Variants in WDR49 observed in about 807,000 individuals in gnomAD.
WDR49 encodes WD repeat domain 49, also known as cilia- and flagella-associated protein 337.
A neutral mutation model predicts 119.5 loss-of-function variants in WDR49; 107 were observed. That is an observed-to-expected ratio of 0.90 (90% CI 0.77 to 1.05). The LOEUF is 1.05. Ranked by LOEUF, WDR49 falls within the 50% of genes least tolerant of loss-of-function variation. The pLI is 0.00. For missense variants in WDR49, 1,240 were observed against 1,220.5 expected (o/e 1.02, Z -0.24); for synonymous variants, 425 against 418.8 (o/e 1.01, Z -0.18).
Position 167,536,912 on chromosome 3 carries a change from T to A in WDR49, c.1912A>T (p.Ile638Phe), listed in dbSNP as rs185656959. 8.8e-5 allele frequency: 136 copies of A among 1,545,888 alleles called. No homozygotes were observed. The East Asian group carries it at 2.9e-3, about 32-fold the overall frequency. ...WKGGIQHHDD[I>F]LCAAFLPPQT... ...GGAGGTAAAAACGCAGCACACAAGA[T>A]GTCATCATGGTGCTGTATACCTCCT... Residue 638 changes from isoleucine to phenylalanine, a missense_variant, in exon 11 of 19, where the codon ATC becomes TTC. Transcript: ENST00000682715.
intron 10 of WDR49, among the ~76,000 whole-genome samples, chr3:167,545,041 T>C (rs956686522): frequency 1.3e-4 from 19 of 151,746 alleles, no homozygotes; most frequent in Admixed American, 1.3e-4. Context: ...TCAAAGGACA[T>C]AAATAGAAAA....
At chr3:167,546,484 C>T (rs1191348787) in intron 10 of WDR49, among the ~76,000 whole-genome samples, 1 of 151,592 alleles carries the variant, frequency 6.6e-6, no homozygotes, top group Non-Finnish European at 1.5e-5. Context: ...ATTTTAAGGC[C>T]ATTTTAGGAG....
chr3:167,536,604 T>C (rs1753035770), intron 11 of WDR49, among the ~76,000 whole-genome samples: 1 of 151,048 alleles, frequency 6.6e-6, no homozygotes, highest in Non-Finnish European at 1.5e-5. Context: ...CACTTGAACC[T>C]GGCAGGTGGA....
At chr3:167,655,580 TATTCTTTCAAAAAAAAC>T (rs915123882), upstream of WDR49, among the ~76,000 whole-genome samples, 5 of 152,082 alleles carry the variant, frequency 3.3e-5, no homozygotes, top group Non-Finnish European at 7.4e-5. Context: ...CATCTCTCAT[TATTCTTTCAAAAAAAAC>T]ATTTATTAAG....
chr3:167,600,196 C>T (rs906079484), intron 7 of WDR49, among the ~76,000 whole-genome samples: 2 of 152,072 alleles, frequency 1.3e-5, no homozygotes, highest in Non-Finnish European at 2.9e-5. Context: ...GTGAATTGTG[C>T]TGCCTGGGGT....
At chr3:167,602,375 A>C (rs1350404146) in intron 6 of WDR49, 100 bp from the exon 7 acceptor site, 1 of 1,098,692 alleles carries the variant, frequency 9.1e-7, no homozygotes, top group African/African-American at 1.6e-5. Flanking sequence ...TAGCTTGATG[A>C]ATGTCAACTG....
Position 167,536,944 on chromosome 3 carries a change from T to C in WDR49, c.1880A>G (p.Glu627Gly). Residue 627 changes from glutamate (E) to glycine (G), a missense_variant, in exon 11 of 19, where the codon GAA (glutamate) becomes GGA (glycine). Glu to Gly is a moderately conservative substitution (Grantham distance 98, BLOSUM62 -2). Coordinates refer to ENST00000682715, the MANE Select transcript of WDR49 (RefSeq NM_001366157.1). ...NFNQFFIQPE[E>G]WKGGIQHHDD... ...ATGGTGCTGTATACCTCCTTTCCAT[T>C]CTTCAGGCTGGATGAAAAATTGATT... 1 of 1,591,622 alleles carries C rather than the reference T, an allele frequency of 6.3e-7. No individual in the cohort carries two copies. Among genetic ancestry groups the C allele is most frequent in the East Asian group, 2.3e-5 (1 of 43,098 alleles).
chr3:167,556,693 C>T (rs142411727), intron 9 of WDR49, among the ~76,000 whole-genome samples: 40,546 of 151,908 alleles, frequency 0.27, 5,659 homozygotes, highest in South Asian at 0.31. Flanking sequence ...TGAGACCAGC[C>T]TGGCCAACAT....
intron 7 of WDR49, among the ~76,000 whole-genome samples, chr3:167,585,380 T>C (rs1714752739): frequency 6.9e-6 from 1 of 144,992 alleles, no homozygotes; most frequent in African/African-American, 2.7e-5. Flanking sequence ...CTAAGAGGTC[T>C]TAAAAGGGTG....
chr3:167,558,900 T>C (rs1271800020), intron 9 of WDR49, among the ~76,000 whole-genome samples: 1 of 152,202 alleles, frequency 6.6e-6, no homozygotes, highest in Non-Finnish European at 1.5e-5. Flanking sequence ...CCTGAACCAC[T>C]GTCTAATACT....
intron 7 of WDR49, among the ~76,000 whole-genome samples, chr3:167,591,109 A>G (rs374162751): frequency 7.9e-5 from 12 of 151,884 alleles, no homozygotes; most frequent in East Asian, 3.9e-4. Flanking sequence ...CCATGTTTCC[A>G]TTGTCATTTG....
intron 9 of WDR49, among the ~76,000 whole-genome samples, chr3:167,558,727 C>G (rs1373304460): frequency 2.0e-5 from 3 of 152,144 alleles, no homozygotes; most frequent in African/African-American, 7.2e-5. Flanking sequence ...AGTCCCTTAG[C>G]TGGGAATATT....
chr3:167,545,721 G>A (rs906524263), intron 10 of WDR49, among the ~76,000 whole-genome samples: 1 of 150,196 alleles, frequency 6.7e-6, no homozygotes, highest in Non-Finnish European at 1.5e-5. Context: ...GGGAAGGGTG[G>A]AAGGGGAGTG....
Position 167,626,945 on chromosome 3 carries a change from TA to T in WDR49, c.512del (p.Leu171Ter). 1 of 1,320,918 alleles carries T rather than the reference TA, an allele frequency of 7.6e-7. No individual in the cohort carries two copies. Among genetic ancestry groups the T allele is most frequent in the East Asian group, 2.9e-5 (1 of 34,992 alleles). 81.8% of individuals were successfully genotyped at this position (1,320,918 alleles called of 1,614,324 possible). ...EGLLAIWGEH[L>X]KLQETFPITS... Reference sequence around the variant, plus strand: ...TGATGGGGAATGTTTCTTGCAGCTTTAAATGCTCTCCCCAGATTGCCAATAA... The same window carrying T: ...TGATGGGGAATGTTTCTTGCAGCTTTAATGCTCTCCCCAGATTGCCAATAA... On this transcript the variant is annotated frameshift_variant, in exon 3 of 19. Transcript: ENST00000682715. LOFTEE classifies it high-confidence loss of function.
intron 10 of WDR49, among the ~76,000 whole-genome samples, chr3:167,549,966 C>T (rs1712452218): frequency 6.6e-6 from 1 of 152,182 alleles, no homozygotes; most frequent in Admixed American, 6.5e-5. Flanking sequence ...TTCCCCATTT[C>T]ATGTTTTTGT....
intron 16 of WDR49, among the ~76,000 whole-genome samples, chr3:167,507,095 ACTTTTTCC>A (rs1407856313): frequency 1.3e-5 from 2 of 152,144 alleles, no homozygotes; most frequent in Non-Finnish European, 2.9e-5. Flanking sequence ...CTGTACAGTT[ACTTTTTCC>A]CTTTTTCCAT....
intron 11 of WDR49, 122 bp downstream of exon 11, chr3:167,536,748 T>A: frequency 9.2e-6 from 3 of 325,550 alleles, no homozygotes; most frequent in Non-Finnish European, 1.4e-5. Context: ...CACACACACA[T>A]ACATATACAT....
intron 2 of WDR49, among the ~76,000 whole-genome samples, chr3:167,646,865 T>G (rs1718152004): frequency 6.6e-6 from 1 of 152,058 alleles, no homozygotes; most frequent in South Asian, 2.1e-4. Context: ...CATAGAACGT[T>G]GGTGAGACAT....
intron 8 of WDR49, among the ~76,000 whole-genome samples, chr3:167,573,414 ACACACACACAC>A (rs1163400115): frequency 3.9e-4 from 58 of 150,374 alleles, no homozygotes; most frequent in African/African-American, 1.4e-3. Flanking sequence ...ACACACACAC[ACACACACACAC>A]ACACAACACA....
Sources: gnomAD v4.1 joint callset for allele counts (sites outside exome capture counted in the v4.1 genomes callset) on GRCh38, gnomAD v4.1.1 for gene constraint, MANE v1.5 for transcripts, NCBI Gene and HGNC (gene_info 2026-07-23, HGNC 2026-07-21) for gene names.